Variants in SIK3 observed in about 807,000 individuals in gnomAD.
SIK3 encodes the protein serine/threonine-protein kinase SIK3.
In SIK3, 28 loss-of-function variants were observed where a neutral mutation model predicts 144.2. The ratio of observed to expected loss-of-function variants is 0.19; its 90% confidence interval spans 0.14 to 0.27. SIK3 has a LOEUF of 0.27. Ranked by LOEUF, SIK3 falls within the 10% of genes least tolerant of loss-of-function variation. SIK3 has a pLI of 1.00. For missense variants in SIK3, 1,319 were observed against 1,776.0 expected (o/e 0.74, Z 4.62); for synonymous variants, 686 against 676.3 (o/e 1.01, Z -0.22).
chr11:116,995,305 C>G (rs1331254123), intron 1 of SIK3, among the ~76,000 whole-genome samples: 4 of 151,580 alleles, frequency 2.6e-5, no homozygotes, highest in Admixed American at 6.6e-5. Context: ...ACTCTGTCAC[C>G]CAGGCTGGAG....
chr11:117,091,323 G>T (rs1401195684), intron 1 of SIK3, among the ~76,000 whole-genome samples: 1 of 147,108 alleles, frequency 6.8e-6, no homozygotes, highest in Non-Finnish European at 1.5e-5. Context: ...TCCTGCCTCA[G>T]CCTCCCAAGT....
chr11:116,976,105 C>A (rs1437897457), intron 1 of SIK3, among the ~76,000 whole-genome samples: 1 of 152,182 alleles, frequency 6.6e-6, no homozygotes, highest in African/African-American at 2.4e-5. Flanking sequence ...ATTCTAGATA[C>A]AAGTCCCTTA....
chr11:116,935,342 GAGAGA>G (rs2135209027), intron 3 of SIK3, among the ~76,000 whole-genome samples: 1 of 151,852 alleles, frequency 6.6e-6, no homozygotes, highest in East Asian at 1.9e-4. Flanking sequence ...GAATACCAAT[GAGAGA>G]AGAGACTATA....
chr11:116,883,920 T>G (rs1001635199), intron 6 of SIK3, among the ~76,000 whole-genome samples: 1 of 151,326 alleles, frequency 6.6e-6, no homozygotes, highest in Non-Finnish European at 1.5e-5. Flanking sequence ...GGTGACAGAG[T>G]GAGACTCTGT....
chr11:116,997,497 A>C (rs1480077036), intron 1 of SIK3, among the ~76,000 whole-genome samples: 1 of 152,278 alleles, frequency 6.6e-6, no homozygotes, highest in African/African-American at 2.4e-5. Flanking sequence ...CTTAAATCAC[A>C]GTACTTACTG....
chr11:116,913,971 T>C (rs1946476644), intron 4 of SIK3, among the ~76,000 whole-genome samples: 1 of 151,814 alleles, frequency 6.6e-6, no homozygotes. Context: ...CTAAGACATA[T>C]GGTCTGATAA....
chr11:116,890,217 A>G (rs1391540574), intron 6 of SIK3, among the ~76,000 whole-genome samples: 2 of 152,194 alleles, frequency 1.3e-5, no homozygotes, highest in Non-Finnish European at 2.9e-5. Context: ...CAGAAAGAGA[A>G]TGATGGGGGT....
At chr11:117,069,702 A>C (rs909733175) in intron 1 of SIK3, among the ~76,000 whole-genome samples, 1 of 152,132 alleles carries the variant, frequency 6.6e-6, no homozygotes, top group African/African-American at 2.4e-5. Context: ...TCTCCTTCTT[A>C]ATAAAGAATA....
intron 3 of SIK3, among the ~76,000 whole-genome samples, chr11:116,947,531 ATATGTATG>A (rs748760831): frequency 8.8e-5 from 11 of 125,044 alleles, no homozygotes; most frequent in East Asian, 2.1e-4. Flanking sequence ...ATATATATAT[ATATGTATG>A]TATGTATGTA....
At chr11:116,862,451 T>C in intron 16 of SIK3, 124 bp from the exon 17 acceptor site, 1 of 1,218,730 alleles carries the variant, frequency 8.2e-7, no homozygotes, top group African/African-American at 1.5e-5. Flanking sequence ...AACAGTGTCC[T>C]TGATGAGCAA....
chr11:116,905,001 C>T (rs960644661), intron 4 of SIK3: 3 of 167,118 alleles, frequency 1.8e-5, no homozygotes, highest in Non-Finnish European at 4.4e-5. Flanking sequence ...GAACATTTTT[C>T]ACCTTGTAAG....
At chr11:116,891,932 A>G (rs1041604579) in intron 6 of SIK3, among the ~76,000 whole-genome samples, 7 of 152,176 alleles carry the variant, frequency 4.6e-5, no homozygotes, top group African/African-American at 1.7e-4. Context: ...CTGGTGAGAG[A>G]GGAAACATCA....
Position 116,858,753 on chromosome 11 carries a change from T to C in SIK3, c.2766-54A>G, listed in dbSNP as rs2134399492. ...TCCATGTAACAAGTACTAGACTTCC[T>C]GGGAACAGCTCCTCCTCCTCAGTAG... On this transcript the variant is annotated intron_variant, in intron 20 of 24. Coordinates refer to ENST00000445177, the MANE Select transcript of SIK3 (RefSeq NM_001366686.3). The surrounding 1 kb of genome is among the most constrained non-coding windows in gnomAD (Gnocchi z 5.4). The C allele has an allele frequency of 6.6e-7, 1 of 1,511,438 alleles. No individual in the cohort carries two copies. Among genetic ancestry groups the C allele is most frequent in the Non-Finnish European group, 8.8e-7 (1 of 1,130,676 alleles). 93.6% of individuals were successfully genotyped at this position (1,511,438 alleles called of 1,614,324 possible).
At position 116,875,019 on chromosome 11, in the gene SIK3, T is replaced by C. The variant is rs533356624; in HGVS notation, c.1427+139A>G. The C allele has an allele frequency of 2.8e-4, 180 of 645,684 alleles. No individual in the cohort carries two copies. In the South Asian group the frequency reaches 3.2e-3, roughly 11 times the overall value. 40.0% of individuals were successfully genotyped at this position (645,684 alleles called of 1,614,324 possible). On this transcript the variant is annotated intron_variant, in intron 11 of 24. Transcript: ENST00000445177. ...TTGTCTACATACATAAGTTACATCA[T>C]ATCATTTGTCCACTTGGCCACTGGA...
chr11:116,967,670 A>G (rs918856000), intron 1 of SIK3, among the ~76,000 whole-genome samples: 15 of 152,148 alleles, frequency 9.9e-5, no homozygotes, highest in African/African-American at 3.4e-4. Context: ...TCATCCTCCT[A>G]TTTCTGAAAG....
intron 1 of SIK3, among the ~76,000 whole-genome samples, chr11:116,989,218 C>T (rs1049871401): frequency 6.6e-6 from 1 of 151,916 alleles, no homozygotes; most frequent in Non-Finnish European, 1.5e-5. Flanking sequence ...CCCGCATGTT[C>T]GAATGTCTCT....
chr11:116,965,860 G>A (rs780743502), intron 1 of SIK3, among the ~76,000 whole-genome samples: 116 of 145,578 alleles, frequency 8.0e-4, no homozygotes, highest in Non-Finnish European at 1.3e-3. Context: ...GCCTGAACCT[G>A]GGAGGTGGAG....
At chr11:117,054,124 A>G (rs1217268458) in intron 1 of SIK3, among the ~76,000 whole-genome samples, 1 of 152,208 alleles carries the variant, frequency 6.6e-6, no homozygotes, top group Non-Finnish European at 1.5e-5. Context: ...GGCAGTTAAG[A>G]CTAAAGAGAA....
At chr11:117,044,594 C>T (rs1197530241) in intron 1 of SIK3, among the ~76,000 whole-genome samples, 1 of 149,930 alleles carries the variant, frequency 6.7e-6, no homozygotes, top group Non-Finnish European at 1.5e-5. Flanking sequence ...GACCTCTTCA[C>T]CCCACATTTT....
Sources: gnomAD v4.1 joint callset for allele counts (sites outside exome capture counted in the v4.1 genomes callset) on GRCh38, gnomAD v4.1.1 for gene constraint, Gnocchi (gnomAD v3.1) non-coding constraint, MANE v1.5 for transcripts, NCBI Gene and HGNC (gene_info 2026-07-23, HGNC 2026-07-21) for gene names.